The following LDLRAD3 variants were observed in gnomAD, a reference collection of about 807,000 sequenced individuals.
LDLRAD3 encodes low-density lipoprotein receptor class A domain-containing protein 3.
Under a neutral mutation model 29.4 loss-of-function variants are expected in LDLRAD3, and 20 were observed. That is an observed-to-expected ratio of 0.68 (90% CI 0.48 to 0.99). LDLRAD3 has a LOEUF of 0.99. Ranked by LOEUF, LDLRAD3 falls within the 50% of genes least tolerant of loss-of-function variation. The pLI is 0.00. For missense variants in LDLRAD3, 420 were observed against 454.3 expected, an observed-to-expected ratio of 0.92 and a Z score of 0.69; for synonymous variants, 157 against 192.7, an observed-to-expected ratio of 0.81 and a Z score of 1.53.
At chr11:36,151,413 A>G (rs1013751684) in intron 4 of LDLRAD3, among the ~76,000 whole-genome samples, 1 of 152,106 alleles carries the variant, frequency 6.6e-6, no homozygotes, top group African/African-American at 2.4e-5. Context: ...AGACCTTCAT[A>G]TAGATAATCT....
chr11:36,199,604 C>CACGCACGCGTGT (rs1565298990), intron 4 of LDLRAD3, among the ~76,000 whole-genome samples: 2 of 151,928 alleles, frequency 1.3e-5, no homozygotes, highest in Admixed American at 6.6e-5. Flanking sequence ...CACGCGTGCG[C>CACGCACGCGTGT]GCACACGCTT....
At chr11:35,954,114 C>T (rs1015722580) in intron 1 of LDLRAD3, among the ~76,000 whole-genome samples, 1 of 152,098 alleles carries the variant, frequency 6.6e-6, no homozygotes, top group Admixed American at 6.5e-5. Flanking sequence ...GTTTAGCATA[C>T]CCAGAGTTCA....
At chr11:36,075,760 A>G (rs577390805) in intron 2 of LDLRAD3, among the ~76,000 whole-genome samples, 4 of 152,090 alleles carry the variant, frequency 2.6e-5, no homozygotes, top group African/African-American at 4.8e-5. Context: ...TTATTCAACA[A>G]TTTTTGGTAT....
chr11:36,153,753 A>C (rs530155630), intron 4 of LDLRAD3, among the ~76,000 whole-genome samples: 6 of 152,188 alleles, frequency 3.9e-5, no homozygotes, highest in Middle Eastern at 3.4e-3. Context: ...CTATGTGCAT[A>C]TTTATTTGCT....
intron 1 of LDLRAD3, among the ~76,000 whole-genome samples, chr11:36,024,322 C>G (rs1852135116): frequency 8.1e-6 from 1 of 123,102 alleles, no homozygotes. Flanking sequence ...TGTTTTATAT[C>G]TATATCTATA....
At chr11:35,959,769 C>A (rs1054777668) in intron 1 of LDLRAD3, among the ~76,000 whole-genome samples, 1 of 151,894 alleles carries the variant, frequency 6.6e-6, no homozygotes, top group East Asian at 1.9e-4. Flanking sequence ...TAAAAATATA[C>A]AGAAAAAAAA....
At chr11:36,131,605 A>G (rs1259377156) in intron 4 of LDLRAD3, among the ~76,000 whole-genome samples, 1 of 152,214 alleles carries the variant, frequency 6.6e-6, no homozygotes, top group Non-Finnish European at 1.5e-5. Flanking sequence ...TTATGGTGAA[A>G]TATACATAAC....
At chr11:36,216,486 C>T (rs1299015344) in intron 4 of LDLRAD3, among the ~76,000 whole-genome samples, 1 of 152,184 alleles carries the variant, frequency 6.6e-6, no homozygotes, top group Non-Finnish European at 1.5e-5. Context: ...CCAGACACCA[C>T]TTTAAACATT....
In LDLRAD3 at chr11:35,947,029, G is replaced by C. The variant is rs147732752; in HGVS notation, c.46+2885G>C. On this transcript the variant is annotated intron_variant, in intron 1 of 5. Transcript: ENST00000315571. ...TTAGGCCATTTACTCTGGGATAAGT[G>C]GGGGAGGGAGAGAGATGGGAGTAGG... Among the ~76,000 whole-genome samples, 1,271 of 152,258 alleles carry C rather than the reference G, an allele frequency of 8.3e-3. 10 individuals are homozygous for C. The highest frequency in any genetic ancestry group is 0.01 in the Non-Finnish European group (710 of 68,020).
chr11:36,063,928 G>C (rs1170084571), intron 2 of LDLRAD3, among the ~76,000 whole-genome samples: 1 of 152,144 alleles, frequency 6.6e-6, no homozygotes, highest in Admixed American at 6.5e-5. Flanking sequence ...TTTATGATCA[G>C]CTTGTCCATT....
intron 1 of LDLRAD3, among the ~76,000 whole-genome samples, chr11:36,001,766 TGTGTGTG>T (rs1851828069): frequency 1.4e-5 from 1 of 71,832 alleles, no homozygotes; most frequent in South Asian, 6.9e-4. Flanking sequence ...TACGTGTGTG[TGTGTGTG>T]TGTGTGTGTG....
intron 1 of LDLRAD3, among the ~76,000 whole-genome samples, chr11:36,034,669 C>T (rs1007457216): frequency 4.6e-5 from 7 of 152,100 alleles, no homozygotes; most frequent in South Asian, 2.1e-4. Flanking sequence ...GGTTGTTGCC[C>T]GCTTGTTCTA....
At chr11:36,012,338 A>G (rs1249126139) in intron 1 of LDLRAD3, among the ~76,000 whole-genome samples, 1 of 152,158 alleles carries the variant, frequency 6.6e-6, no homozygotes, top group African/African-American at 2.4e-5. Flanking sequence ...CTTCTTCACA[A>G]TTTCACAGAT....
chr11:36,223,308 C>T (rs1855454863), intron 4 of LDLRAD3, among the ~76,000 whole-genome samples: 1 of 152,184 alleles, frequency 6.6e-6, no homozygotes, highest in East Asian at 1.9e-4. Context: ...TTTTATATCC[C>T]ATGCATTTTA....
intron 4 of LDLRAD3, among the ~76,000 whole-genome samples, chr11:36,112,047 C>T (rs973505684): frequency 6.6e-6 from 1 of 152,168 alleles, no homozygotes; most frequent in African/African-American, 2.4e-5. Context: ...TTATTGAAAC[C>T]CTCCTTTTTT....
At chr11:36,065,848 C>T (rs1225097951) in intron 2 of LDLRAD3, among the ~76,000 whole-genome samples, 1 of 152,128 alleles carries the variant, frequency 6.6e-6, no homozygotes, top group Non-Finnish European at 1.5e-5. Flanking sequence ...TTATGTGGAT[C>T]ATGTGGGGAG....
intron 2 of LDLRAD3, among the ~76,000 whole-genome samples, chr11:36,062,851 A>G (rs1042681698): frequency 2.0e-5 from 3 of 152,192 alleles, no homozygotes; most frequent in African/African-American, 7.2e-5. Flanking sequence ...TCCTTTATAA[A>G]TTACCCAGTC....
intron 4 of LDLRAD3, among the ~76,000 whole-genome samples, chr11:36,165,944 TCCTCCCTCCCTCCCTCCCTC>T (rs1188329076): frequency 1.8e-5 from 2 of 109,820 alleles, no homozygotes; most frequent in Non-Finnish European, 1.8e-5. Context: ...CTGGCTTGCT[TCCTCCCTCCCTCCCTCCCTC>T]CCTCCCTCCC....
chr11:36,170,325 TATATGTAC>T (rs1854579032), intron 4 of LDLRAD3, among the ~76,000 whole-genome samples: 2 of 148,330 alleles, frequency 1.3e-5, no homozygotes, highest in Admixed American at 1.4e-4. Context: ...TATATATGTA[TATATGTAC>T]GTATATACGT....
Sources: gnomAD v4.1 joint callset for allele counts (sites outside exome capture counted in the v4.1 genomes callset) on GRCh38, gnomAD v4.1.1 for gene constraint, MANE v1.5 for transcripts, NCBI Gene and HGNC (gene_info 2026-07-23, HGNC 2026-07-21) for gene names.